The following NSG1 variants were observed in gnomAD, a reference collection of about 807,000 sequenced individuals.
NSG1 encodes the protein neuronal vesicle trafficking associated 1, also known as neuronal vesicle trafficking-associated protein 1.
In NSG1, 9 loss-of-function variants were observed where a neutral mutation model predicts 19.3. That is an observed-to-expected ratio of 0.47 (90% CI 0.28 to 0.81). NSG1 has a LOEUF of 0.81. NSG1 is among the 40% of genes least tolerant of loss of function. The pLI, the probability that NSG1 is intolerant of heterozygous loss-of-function variation, is 0.11. For synonymous variants in NSG1, 104 were observed against 107.0 expected (o/e 0.97, Z 0.17); for missense variants, 236 against 242.4 (o/e 0.97, Z 0.18).
At chr4:4,413,505 G>A (rs561301377) in intron 4 of NSG1, among the ~76,000 whole-genome samples, 1 of 151,316 alleles carries the variant, frequency 6.6e-6, no homozygotes, top group East Asian at 2.0e-4. Context: ...CGGAGGGTGC[G>A]GGCTTCAGGG....
intron 3 of NSG1, among the ~76,000 whole-genome samples, chr4:4,396,929 A>G (rs1474502924): frequency 6.6e-6 from 1 of 152,032 alleles, no homozygotes; most frequent in East Asian, 1.9e-4. Flanking sequence ...ACCTTTAGCT[A>G]TGCGAGCATC....
intron 2 of NSG1, among the ~76,000 whole-genome samples, chr4:4,388,818 G>C (rs940519758): frequency 2.0e-5 from 3 of 152,212 alleles, no homozygotes; most frequent in Non-Finnish European, 2.9e-5. Context: ...GTGTCGTCTG[G>C]GGAGGGAGGC....
Position 4,418,815 on chromosome 4 carries a change from G to C in NSG1, c.*1380G>C, listed in dbSNP as rs897911057. 1 of 152,404 alleles carries C rather than the reference G, an allele frequency of 6.6e-6. No homozygotes were observed. The highest frequency in any genetic ancestry group is 1.5e-5 in the Non-Finnish European group (1 of 68,042). 9.4% of individuals were successfully genotyped at this position (152,404 alleles called of 1,614,324 possible). ...TGGAGACACAGACCGTGACCTTGGC[G>C]CAGCGGTGTGCATCAGAGGCGTGTG... On this transcript the variant is annotated 3_prime_UTR_variant, in exon 5 of 5. Transcript: ENST00000621129.
chr4:4,415,066 G>A (rs570394834), intron 4 of NSG1, among the ~76,000 whole-genome samples: 49 of 152,080 alleles, frequency 3.2e-4, no homozygotes, highest in African/African-American at 1.1e-3. Flanking sequence ...CTTTATATTG[G>A]CCATTCTTTT....
intron 3 of NSG1, among the ~76,000 whole-genome samples, chr4:4,399,081 C>T (rs1723414356): frequency 6.6e-6 from 1 of 152,124 alleles, no homozygotes; most frequent in Non-Finnish European, 1.5e-5. Context: ...CCATTTGTAT[C>T]TCTTCTTCAG....
At chr4:4,396,121 T>C (rs1723235944) in intron 3 of NSG1, among the ~76,000 whole-genome samples, 1 of 152,198 alleles carries the variant, frequency 6.6e-6, no homozygotes, top group Non-Finnish European at 1.5e-5. Flanking sequence ...ACTGGAGGCA[T>C]ATTTACAGTG....
rs1241674721 is a variant in NSG1 at position 4,418,824 on chromosome 4, T to TGC, written c.*1390_*1391dup. 3 of 152,386 alleles carry TGC rather than the reference T, an allele frequency of 2.0e-5. No individual in the cohort carries two copies. The highest frequency in any genetic ancestry group is 4.4e-5 in the Non-Finnish European group (3 of 68,036). The allele number at this position is 152,386 out of a possible 1,614,324, so 9.4% of individuals were successfully genotyped here. A position where few individuals can be genotyped will look rare whatever the true frequency, so the allele number is the denominator to read the frequency against. ...AGACCGTGACCTTGGCGCAGCGGTGTGCATCAGAGGCGTGTGCTGAGAAGG... is the reference window on the plus strand; with the variant it reads ...AGACCGTGACCTTGGCGCAGCGGTGTGCGCATCAGAGGCGTGTGCTGAGAAGG... On this transcript the variant is annotated 3_prime_UTR_variant, in exon 5 of 5. Transcript: ENST00000621129.
intron 3 of NSG1, 79 bp from the exon 4 acceptor site, chr4:4,409,494 G>T: frequency 9.9e-7 from 1 of 1,008,318 alleles, no homozygotes; most frequent in Non-Finnish European, 1.6e-6. Context: ...TGTGTGGGGG[G>T]GGGCCTTCGT....
Position 4,397,104 on chromosome 4 carries a change from T to TA in NSG1, c.246+5516dup, listed in dbSNP as rs148168217. 8.5e-3 allele frequency among the ~76,000 whole-genome samples: 1,289 copies of TA among 152,192 alleles called. 18 individuals carry two copies. Among genetic ancestry groups the TA allele is most frequent in the African/African-American group, 0.029 (1,217 of 41,520 alleles). On this transcript the variant is annotated intron_variant, in intron 3 of 4. Coordinates refer to ENST00000621129, the MANE Select transcript of NSG1 (RefSeq NM_014392.5). ...GGGTTACCTAAAATATTTAGTGCTG[T>TA]AAACGCTTGAAGATGTCGGGATTCA...
rs201526092 is a variant in NSG1, at chr4:4,391,492, G to A, written c.147G>A (p.Lys49=). 1.2e-6 allele frequency: 2 copies of A among 1,610,858 alleles called. No homozygotes were observed. The highest frequency in any genetic ancestry group is 4.5e-5 in the East Asian group (2 of 44,828). Residue 49 remains lysine (K), a synonymous_variant, in exon 3 of 5, where the codon AAG becomes AAA. Coordinates refer to ENST00000621129, the MANE Select transcript of NSG1 (RefSeq NM_014392.5). Reference sequence around the variant, plus strand: ...TGGATAAGGTGGTCGTGAAAACTAAGACCGAGTATGAACCTGACCGCAAGA... The same window carrying A: ...TGGATAAGGTGGTCGTGAAAACTAAAACCGAGTATGAACCTGACCGCAAGA... The part of the protein sequence containing the change: ...PPPDKVVVKT[K]TEYEPDRKKG...
chr4:4,402,488 C>T (rs1018329164), intron 3 of NSG1, among the ~76,000 whole-genome samples: 2 of 146,748 alleles, frequency 1.4e-5, no homozygotes, highest in Admixed American at 7.1e-5. Flanking sequence ...TCCGGGTTCA[C>T]GCCATTCTCC....
At chr4:4,387,561 C>CCGGGGGGGGGG in intron 1 of NSG1, 43 bp from the exon 2 acceptor site, 29 of 1,141,960 alleles carry the variant, frequency 2.5e-5, no homozygotes, top group Middle Eastern at 2.5e-4. Context: ...CGCCCCGCCC[C>CCGGGGGGGGGG]GGGTCTTGCT....
At chr4:4,416,963 G>A (rs1041522919) in intron 4 of NSG1, among the ~76,000 whole-genome samples, 7 of 152,236 alleles carry the variant, frequency 4.6e-5, no homozygotes, top group Non-Finnish European at 8.8e-5. Flanking sequence ...CTTCAGTGAA[G>A]TAAGGCCTGC....
chr4:4,407,137 C>T (rs973986001), intron 3 of NSG1, among the ~76,000 whole-genome samples: 1 of 152,228 alleles, frequency 6.6e-6, no homozygotes, highest in Non-Finnish European at 1.5e-5. Flanking sequence ...GCACTGTAGG[C>T]CATCCCAGTG....
chr4:4,402,937 C>A (rs143167938), intron 3 of NSG1, among the ~76,000 whole-genome samples: 2 of 152,208 alleles, frequency 1.3e-5, no homozygotes, highest in African/African-American at 2.4e-5. Context: ...CCTTCCCAGG[C>A]GAGATCATTT....
At chr4:4,387,475 C>T in intron 1 of NSG1, 129 bp from the exon 2 acceptor site, 1 of 629,538 alleles carries the variant, frequency 1.6e-6, no homozygotes, top group Non-Finnish European at 2.8e-6. Flanking sequence ...CCCCACGAGC[C>T]CTCCCCGAGA....
chr4:4,392,621 C>T (rs1723054457), intron 3 of NSG1, among the ~76,000 whole-genome samples: 1 of 152,222 alleles, frequency 6.6e-6, no homozygotes, highest in Admixed American at 6.5e-5. Context: ...CACAGAGTGA[C>T]TGGGGAAGCC....
At chr4:4,404,799 G>A (rs1404766843) in intron 3 of NSG1, among the ~76,000 whole-genome samples, 2 of 152,144 alleles carry the variant, frequency 1.3e-5, no homozygotes, top group Non-Finnish European at 2.9e-5. Flanking sequence ...AGAGATGCTG[G>A]GCTCCTTGGT....
chr4:4,415,876 G>A (rs1193238095), intron 4 of NSG1: 5 of 546,056 alleles, frequency 9.2e-6, no homozygotes, highest in Non-Finnish European at 1.6e-5. Context: ...GAGGCTGGAG[G>A]GGAGTTTGTC....
Sources: gnomAD v4.1 joint callset for allele counts (sites outside exome capture counted in the v4.1 genomes callset) on GRCh38, gnomAD v4.1.1 for gene constraint, MANE v1.5 for transcripts, NCBI Gene and HGNC (gene_info 2026-07-23, HGNC 2026-07-21) for gene names.